Variants in PTPN9 observed in about 807,000 individuals in gnomAD.
PTPN9 encodes the protein protein tyrosine phosphatase non-receptor type 9.
In PTPN9, 26 loss-of-function variants were observed where a neutral mutation model predicts 69.8. The ratio of observed to expected loss-of-function variants is 0.37; its 90% CI spans 0.27 to 0.52. The LOEUF is 0.52. Ranked by LOEUF, PTPN9 falls within the 20% of genes least tolerant of loss-of-function variation. The pLI, the probability that PTPN9 is intolerant of heterozygous loss-of-function variation, is 0.91. For synonymous variants in PTPN9, 274 were observed against 272.5 expected (o/e 1.01, Z -0.05); for missense variants, 549 against 740.3 (o/e 0.74, Z 3.00).
chr15:75,565,161 CTAAA>C (rs2075121525), intron 1 of PTPN9, among the ~76,000 whole-genome samples: 1 of 148,536 alleles, frequency 6.7e-6, no homozygotes, highest in Non-Finnish European at 1.5e-5. Context: ...TTTTTAAAAG[CTAAA>C]TAAAATCCCT....
At chr15:75,547,961 T>C (rs2075040931) in intron 1 of PTPN9, among the ~76,000 whole-genome samples, 1 of 151,498 alleles carries the variant, frequency 6.6e-6, no homozygotes. Flanking sequence ...CCACCATGCC[T>C]GGCCCCTACT....
intron 8 of PTPN9, among the ~76,000 whole-genome samples, chr15:75,489,832 G>A (rs1030817227): frequency 2.0e-5 from 3 of 151,994 alleles, no homozygotes; most frequent in Non-Finnish European, 4.4e-5. Flanking sequence ...AGAAATCAGA[G>A]GTCACTTATA....
chr15:75,553,213 CA>C (rs2075063241), intron 1 of PTPN9, among the ~76,000 whole-genome samples: 1 of 152,074 alleles, frequency 6.6e-6, no homozygotes, highest in African/African-American at 2.4e-5. Context: ...GCAAGTAAAT[CA>C]ATTTTAGAAG....
intron 1 of PTPN9, among the ~76,000 whole-genome samples, chr15:75,553,066 A>C (rs567582425): frequency 6.6e-6 from 1 of 152,088 alleles, no homozygotes; most frequent in African/African-American, 2.4e-5. Flanking sequence ...CTTAATTTCG[A>C]CATTTATAAA....
intron 1 of PTPN9, among the ~76,000 whole-genome samples, chr15:75,574,287 CAAAAAAAA>C (rs1374351542): frequency 1.7e-5 from 1 of 58,510 alleles, no homozygotes; most frequent in Admixed American, 2.0e-4. Context: ...CCTGTCTCCA[CAAAAAAAA>C]AAAAAAAAGG....
At chr15:75,576,346 C>A (rs2075173126) in intron 1 of PTPN9, among the ~76,000 whole-genome samples, 1 of 151,898 alleles carries the variant, frequency 6.6e-6, no homozygotes, top group Non-Finnish European at 1.5e-5. Context: ...ACTAGCCTGG[C>A]CAACACGGTG....
At chr15:75,526,952 T>C (rs1157656676) in intron 2 of PTPN9, among the ~76,000 whole-genome samples, 166 bp downstream of exon 2, 1 of 152,238 alleles carries the variant, frequency 6.6e-6, no homozygotes, top group Non-Finnish European at 1.5e-5. Flanking sequence ...TTCCAGTAGC[T>C]GCCTTGCCCA....
intron 1 of PTPN9, 37 bp downstream of exon 1, chr15:75,578,677 C>T: frequency 1.3e-5 from 17 of 1,351,422 alleles, no homozygotes; most frequent in Non-Finnish European, 1.6e-5. Context: ...CTCGGGGGCC[C>T]GGACACACCC....
intron 8 of PTPN9, among the ~76,000 whole-genome samples, chr15:75,488,340 T>TG (rs1326057296): frequency 2.0e-5 from 3 of 150,524 alleles, no homozygotes; most frequent in Non-Finnish European, 4.4e-5. Flanking sequence ...CAGTCAATGC[T>TG]GGGTTTTTTT....
chr15:75,474,506 G>C (rs560894763), intron 9 of PTPN9, among the ~76,000 whole-genome samples: 39 of 151,152 alleles, frequency 2.6e-4, no homozygotes, highest in African/African-American at 2.4e-5. Context: ...GCAACAGAAC[G>C]AGACTCTGTC....
rs2074526217 is a variant in PTPN9 at position 75,463,829 on chromosome 15, A to G, written c.*4940T>C. On this transcript the variant is annotated 3_prime_UTR_variant, in exon 13 of 13. Transcript: ENST00000618819. ...TATAGGGCGGATACCTCCTAAGAGAAAAAGATGGTTCCCAGGCTGATGGGC... is the reference window on the plus strand; with the variant it reads ...TATAGGGCGGATACCTCCTAAGAGAGAAAGATGGTTCCCAGGCTGATGGGC... The G allele has an allele frequency of 6.6e-6, 1 of 152,276 alleles. No individual in the cohort carries two copies. Among genetic ancestry groups the G allele is most frequent in the Non-Finnish European group, 1.5e-5 (1 of 68,068 alleles). 9.4% of individuals were successfully genotyped at this position (152,276 alleles called of 1,614,324 possible).
In PTPN9 at chr15:75,537,753, CAAA is replaced by C. The variant is rs1164644727; in HGVS notation, c.64-10495_64-10493del. On this transcript the variant is annotated intron_variant, in intron 1 of 12. Transcript: ENST00000618819. ...AGGGCAACAGAGGGAGACTCCATCT[CAAA>C]AAAAAAAAAAAAAAAAAAAAGGCCA... Among the ~76,000 whole-genome samples, 67 of 11,378 alleles carry C rather than the reference CAAA, an allele frequency of 5.9e-3. No individual in the cohort carries two copies. In the East Asian group the frequency reaches 0.059, roughly 10 times the overall value. The allele number at this position is 11,378 out of a possible 152,430, so 7.5% of individuals were successfully genotyped here. A position where few individuals can be genotyped will look rare whatever the true frequency, so the allele number is the denominator to read the frequency against.
chr15:75,559,126 C>A (rs1228248934), intron 1 of PTPN9, among the ~76,000 whole-genome samples: 1 of 151,792 alleles, frequency 6.6e-6, no homozygotes, highest in Non-Finnish European at 1.5e-5. Flanking sequence ...ATGTGGGGAG[C>A]GCCTCTGCCC....
chr15:75,561,779 G>A (rs939466730), intron 1 of PTPN9, among the ~76,000 whole-genome samples: 5 of 151,878 alleles, frequency 3.3e-5, no homozygotes, highest in Non-Finnish European at 7.4e-5. Flanking sequence ...ACACGATCTC[G>A]GCTCACCACA....
At chr15:75,559,768 CA>C (rs5813803) in intron 1 of PTPN9, among the ~76,000 whole-genome samples, 73 of 95,034 alleles carry the variant, frequency 7.7e-4, no homozygotes, top group Middle Eastern at 4.7e-3. Flanking sequence ...GAATGGTCAA[CA>C]AAAAAAAAAA....
chr15:75,485,354 CTTTTTTTTTTTTTTTTT>C (rs891447336), intron 8 of PTPN9, among the ~76,000 whole-genome samples: 1 of 78,752 alleles, frequency 1.3e-5, no homozygotes, highest in Admixed American at 1.8e-4. Flanking sequence ...ATTGTCACTT[CTTTTTTTTTTTTTTTTT>C]TTTTTTTTGA....
intron 1 of PTPN9, among the ~76,000 whole-genome samples, chr15:75,536,128 T>C (rs1231608219): frequency 1.3e-5 from 2 of 152,148 alleles, no homozygotes; most frequent in Non-Finnish European, 2.9e-5. Flanking sequence ...TTGCAAAAAG[T>C]AAAAGGCCAG....
At chr15:75,557,311 G>C (rs2075082108) in intron 1 of PTPN9, among the ~76,000 whole-genome samples, 1 of 151,986 alleles carries the variant, frequency 6.6e-6, no homozygotes, top group Non-Finnish European at 1.5e-5. Context: ...TTTAGTCCCA[G>C]CTACTTGGGA....
intron 8 of PTPN9, among the ~76,000 whole-genome samples, chr15:75,487,048 G>A (rs2074682792): frequency 1.3e-5 from 2 of 152,052 alleles, no homozygotes. Context: ...GCCTCCCAAA[G>A]TGCTGGGATT....
Sources: gnomAD v4.1 joint callset for allele counts (sites outside exome capture counted in the v4.1 genomes callset) on GRCh38, gnomAD v4.1.1 for gene constraint, MANE v1.5 for transcripts, NCBI Gene and HGNC (gene_info 2026-07-23, HGNC 2026-07-21) for gene names.